Variants in UEVLD observed in about 807,000 individuals in gnomAD.
UEVLD encodes the protein ubiquitin-conjugating enzyme E2 variant 3.
A neutral mutation model predicts 58.6 loss-of-function variants in UEVLD; 47 were observed. That is an observed-to-expected ratio of 0.80 (90% CI 0.63 to 1.02). The LOEUF is 1.02. Ranked by LOEUF, UEVLD falls within the 50% of genes least tolerant of loss-of-function variation. The probability of loss-of-function intolerance (pLI) is 0.00; values close to 1 mark genes in which losing one functional copy is unlikely to be tolerated. For missense variants in UEVLD, 510 were observed against 550.6 expected (o/e 0.93, Z 0.74); for synonymous variants, 197 against 195.3 (o/e 1.01, Z -0.07).
chr11:18,535,146 T>A (rs1373911971), intron 10 of UEVLD, among the ~76,000 whole-genome samples: 2 of 152,220 alleles, frequency 1.3e-5, no homozygotes, highest in Non-Finnish European at 2.9e-5. Flanking sequence ...TGTAGAAGCA[T>A]TGAAAAACAA....
rs77337750 is a variant in UEVLD at position 18,561,164 on chromosome 11, C to T, written c.613-2834G>A. Among the ~76,000 whole-genome samples the T allele has an allele frequency of 9.1e-3, 1,391 of 152,260 alleles. 25 individuals are homozygous for T. Among genetic ancestry groups the T allele is most frequent in the African/African-American group, 0.032 (1,313 of 41,562 alleles). ...AATACAGGCTCTGATAAACAGATTA[C>T]CTGGTCTTTAAATTCTCGCTTCATC... On this transcript the variant is annotated intron_variant, in intron 6 of 11. Coordinates refer to ENST00000396197, the MANE Select transcript of UEVLD (RefSeq NM_001040697.4).
At chr11:18,535,938 C>A (rs910174301) in intron 10 of UEVLD, among the ~76,000 whole-genome samples, 1 of 152,166 alleles carries the variant, frequency 6.6e-6, no homozygotes, top group African/African-American at 2.4e-5. Context: ...AGATCAAGAC[C>A]ATCCTGACCA....
At chr11:18,543,160 G>C (rs544805451) in intron 9 of UEVLD, among the ~76,000 whole-genome samples, 2 of 152,082 alleles carry the variant, frequency 1.3e-5, no homozygotes, top group African/African-American at 2.4e-5. Context: ...CAAAGTGCTG[G>C]GACTACAGGC....
chr11:18,549,909 C>T (rs1282544675), intron 7 of UEVLD, among the ~76,000 whole-genome samples: 1 of 151,916 alleles, frequency 6.6e-6, no homozygotes, highest in African/African-American at 2.4e-5. Flanking sequence ...GCAACCTCTG[C>T]CTCCTGGGTT....
chr11:18,565,154 A>C (rs1299505041), intron 5 of UEVLD, 144 bp from the exon 6 acceptor site: 2 of 553,820 alleles, frequency 3.6e-6, no homozygotes, highest in Non-Finnish European at 6.4e-6. Flanking sequence ...CTACTGAACA[A>C]ATGAATGCAA....
intron 10 of UEVLD, among the ~76,000 whole-genome samples, chr11:18,535,270 G>T (rs1850745410): frequency 6.6e-6 from 1 of 152,122 alleles, no homozygotes; most frequent in Admixed American, 6.5e-5. Flanking sequence ...TTTTGGACAT[G>T]TGGACACTAA....
intron 5 of UEVLD, among the ~76,000 whole-genome samples, chr11:18,565,481 G>A (rs996092318): frequency 1.3e-5 from 2 of 152,174 alleles, no homozygotes; most frequent in Non-Finnish European, 2.9e-5. Flanking sequence ...TTAATATACA[G>A]CAAGTGGTTT....
chr11:18,558,254 T>C lies in UEVLD; in HGVS notation c.689A>G (p.Asn230Ser), dbSNP rs749978105. Residue 230 changes from asparagine (N) to serine (S), a missense_variant, in exon 7 of 12, where the codon AAC becomes AGC. By Grantham distance (46) the Asn-to-Ser change is conservative. Coordinates refer to ENST00000396197, the MANE Select transcript of UEVLD (RefSeq NM_001040697.4). ...TTTGCTGATCTCCACATTAGGAAGG[T>C]TGAAGATTTCAAGGTCCATCGTGGC... ...KGATMDLEIFNLPNVEISKDL... is the reference protein window; with the variant it reads ...KGATMDLEIFSLPNVEISKDL... The C allele has an allele frequency of 2.5e-6, 4 of 1,612,688 alleles. No individual in the cohort carries two copies. The highest frequency in any genetic ancestry group is 1.1e-5 in the South Asian group (1 of 90,676).
intron 3 of UEVLD, among the ~76,000 whole-genome samples, chr11:18,573,744 G>C (rs1030737665): frequency 6.6e-6 from 1 of 152,148 alleles, no homozygotes; most frequent in African/African-American, 2.4e-5. Context: ...TGCATCTCTA[G>C]CAACAAGTCA....
In UEVLD at chr11:18,557,245, G is replaced by A. The variant is rs188751611; in HGVS notation, c.715+983C>T. 2.3e-3 allele frequency among the ~76,000 whole-genome samples: 349 copies of A among 151,998 alleles called. 2 individuals carry two copies. Among genetic ancestry groups the A allele is most frequent in the Non-Finnish European group, 3.2e-3 (218 of 67,984 alleles). Reference sequence around the variant, plus strand: ...CGGCTCACTGCAAACTCCGCATCCCGGGTTCACACCACTCTCCTGCCTCAG... The same window carrying A: ...CGGCTCACTGCAAACTCCGCATCCCAGGTTCACACCACTCTCCTGCCTCAG... On this transcript the variant is annotated intron_variant, in intron 7 of 11. Coordinates refer to ENST00000396197, the MANE Select transcript of UEVLD (RefSeq NM_001040697.4).
chr11:18,552,546 AAAAATG>A, intron 7 of UEVLD, among the ~76,000 whole-genome samples: 3 of 151,926 alleles, frequency 2.0e-5, no homozygotes, highest in Admixed American at 1.3e-4. Flanking sequence ...GACTGTCTCA[AAAAATG>A]AAAATAAAAA....
At chr11:18,586,249 C>G (rs1853553774) in intron 1 of UEVLD, among the ~76,000 whole-genome samples, 1 of 152,086 alleles carries the variant, frequency 6.6e-6, no homozygotes, top group Admixed American at 6.5e-5. Flanking sequence ...GGGTCTCCCT[C>G]TGTTGCCCAG....
chr11:18,567,346 T>C (rs1852349242), intron 4 of UEVLD, among the ~76,000 whole-genome samples: 1 of 152,152 alleles, frequency 6.6e-6, no homozygotes, highest in Non-Finnish European at 1.5e-5. Flanking sequence ...CTATACGCCG[T>C]GAGTGTAAAA....
chr11:18,553,178 T>A (rs1256303328), intron 7 of UEVLD, among the ~76,000 whole-genome samples: 6 of 104,286 alleles, frequency 5.8e-5, no homozygotes, highest in Non-Finnish European at 9.8e-5. Flanking sequence ...AAAAAAAAAT[T>A]AGCCGGGCAT....
chr11:18,548,266 C>T (rs942013938), intron 7 of UEVLD, among the ~76,000 whole-genome samples: 1 of 152,136 alleles, frequency 6.6e-6, no homozygotes, highest in African/African-American at 2.4e-5. Context: ...TAAGTACATG[C>T]CCAAACCGTG....
At chr11:18,560,090 TACACAC>T (rs71050609) in intron 6 of UEVLD, among the ~76,000 whole-genome samples, 19 of 76,106 alleles carry the variant, frequency 2.5e-4, no homozygotes, top group Admixed American at 4.5e-4. Context: ...ACCCCGTCTC[TACACAC>T]ACACACACAC....
At chr11:18,542,151 C>T (rs565298919) in intron 9 of UEVLD, among the ~76,000 whole-genome samples, 1 of 152,112 alleles carries the variant, frequency 6.6e-6, no homozygotes, top group Non-Finnish European at 1.5e-5. Context: ...TATGTGAGAG[C>T]ACACAATAAA....
At chr11:18,556,282 A>G (rs531189944) in intron 7 of UEVLD, among the ~76,000 whole-genome samples, 7 of 152,338 alleles carry the variant, frequency 4.6e-5, no homozygotes, top group Admixed American at 3.3e-4. Flanking sequence ...AATCACAGGC[A>G]CAAGAGAATA....
chr11:18,544,795 CACTAAA>C lies in UEVLD; in HGVS notation c.887-5_887del. 1 of 1,522,242 alleles carries C rather than the reference CACTAAA, an allele frequency of 6.6e-7. No homozygotes were observed. Among genetic ancestry groups the C allele is most frequent in the Non-Finnish European group, 8.7e-7 (1 of 1,144,866 alleles). 94.3% of individuals were successfully genotyped at this position (1,522,242 alleles called of 1,614,324 possible). A position where few individuals can be genotyped will look rare whatever the true frequency, so the allele number is the denominator to read the frequency against. On this transcript the variant is annotated splice_acceptor_variant and splice_polypyrimidine_tract_variant and coding_sequence_variant and intron_variant, in exon 9 of 12. Transcript: ENST00000396197. LOFTEE classifies it high-confidence loss of function. The stretch of plus-strand genomic sequence containing the variant: ...TCCATGTTACATAGGTCATGATTTC[CACTAAA>C]TATTGCATACAAGGTAAAAAATGTA...
Sources: allele counts gnomAD v4.1 joint callset (sites outside exome capture counted in the v4.1 genomes callset), GRCh38; gene constraint gnomAD v4.1.1; transcripts MANE v1.5; gene names NCBI Gene and HGNC (gene_info 2026-07-23, HGNC 2026-07-21).